The following SDK1 variants were observed in gnomAD, a reference collection of about 807,000 sequenced individuals.
SDK1 encodes protein sidekick-1.
A neutral mutation model predicts 245.5 loss-of-function variants in SDK1; 157 were observed. The ratio of observed to expected loss-of-function variants is 0.64; its 90% CI spans 0.56 to 0.73. SDK1 has a LOEUF of 0.73. Ranked by LOEUF, SDK1 falls within the 30% of genes least tolerant of loss-of-function variation. The pLI is 0.00. For synonymous variants in SDK1, 1,647 were observed against 1,278.5 expected (o/e 1.29, Z -6.15); for missense variants, 3,583 against 3,002.3 (o/e 1.19, Z -4.52).
At chr7:3,979,727 T>C (rs1430387177) in intron 13 of SDK1, among the ~76,000 whole-genome samples, 1 of 152,188 alleles carries the variant, frequency 6.6e-6, no homozygotes, top group Non-Finnish European at 1.5e-5. Context: ...TTGCTCTAGT[T>C]TTCTAGTGCC....
intron 5 of SDK1, among the ~76,000 whole-genome samples, chr7:3,907,143 T>G (rs913864086): frequency 3.3e-5 from 5 of 152,212 alleles, no homozygotes; most frequent in African/African-American, 1.2e-4. Context: ...TTTGTCTCTA[T>G]CTGTAAAACT....
rs1782575886 is a variant in SDK1, at chr7:3,511,468, A to G, written c.299-107612A>G. Among the ~76,000 whole-genome samples the G allele has an allele frequency of 2.0e-5, 3 of 152,200 alleles. No homozygotes were observed. In the South Asian group the frequency reaches 6.2e-4, roughly 31 times the overall value. ...CATTTTACTTACTTTAGTGCTTTAC[A>G]TTAAAATTTTCCTGTTTAATGAACA... On this transcript the variant is annotated intron_variant, in intron 1 of 44. Transcript: ENST00000404826.
At chr7:3,844,119 C>T (rs963351309) in intron 5 of SDK1, among the ~76,000 whole-genome samples, 2 of 152,094 alleles carry the variant, frequency 1.3e-5, no homozygotes, top group Non-Finnish European at 2.9e-5. Flanking sequence ...TACAGGTGCT[C>T]ACCACCATGC....
At chr7:4,064,694 TGTG>T (rs1779757773) in intron 19 of SDK1, among the ~76,000 whole-genome samples, 2 of 152,078 alleles carry the variant, frequency 1.3e-5, no homozygotes, top group Non-Finnish European at 2.9e-5. Context: ...GATAAGAAAA[TGTG>T]GTGTATATAC....
intron 23 of SDK1, among the ~76,000 whole-genome samples, chr7:4,111,070 C>A (rs543644419): frequency 6.6e-6 from 1 of 152,282 alleles, no homozygotes; most frequent in African/African-American, 2.4e-5. Context: ...GAACCACAGG[C>A]AGCAGAGATG....
At chr7:4,158,695 G>A (rs1354313223) in intron 31 of SDK1, 144 bp downstream of exon 31, 12 of 618,190 alleles carry the variant, frequency 1.9e-5, no homozygotes, top group South Asian at 9.4e-5. Context: ...CAGACAGCTC[G>A]GAGGGTTTCC....
intron 22 of SDK1, among the ~76,000 whole-genome samples, chr7:4,084,312 G>A (rs1239725161): frequency 1.3e-5 from 2 of 152,098 alleles, no homozygotes; most frequent in Non-Finnish European, 2.9e-5. Context: ...GAAAGCATAG[G>A]TTCTTACCTG....
intron 35 of SDK1, among the ~76,000 whole-genome samples, chr7:4,182,493 A>G (rs1248383610): frequency 6.6e-6 from 1 of 152,210 alleles, no homozygotes; most frequent in Non-Finnish European, 1.5e-5. Context: ...GCAGCTGGGG[A>G]AACCCTGCAC....
chr7:3,614,600 T>C (rs1781710182), intron 1 of SDK1, among the ~76,000 whole-genome samples: 1 of 152,242 alleles, frequency 6.6e-6, no homozygotes, highest in Admixed American at 6.5e-5. Context: ...TGATCCTTCT[T>C]TCTCCCTTTC....
chr7:3,776,187 G>A (rs988181711), intron 4 of SDK1, among the ~76,000 whole-genome samples: 3 of 152,244 alleles, frequency 2.0e-5, no homozygotes, highest in East Asian at 3.8e-4. Flanking sequence ...CGAATGAGTA[G>A]CATTTGCTTT....
In SDK1 at chr7:4,210,074, G is replaced by C. The variant is rs773330327; in HGVS notation, c.5451G>C (p.Thr1817=). 6.2e-7 allele frequency: 1 copy of C among 1,608,756 alleles called. No individual in the cohort carries two copies. The highest frequency in any genetic ancestry group is 1.7e-5 in the Admixed American group (1 of 58,722). ...FLAFSEITST[T]LNVSWGEPAA... ...CGTTCTCAGAAATAACCTCCACCACGCTCAACGTGTCCTGGGGCGAGCCTG... is the reference window on the plus strand; with the variant it reads ...CGTTCTCAGAAATAACCTCCACCACCCTCAACGTGTCCTGGGGCGAGCCTG... Residue 1817 remains threonine, a synonymous_variant, in exon 38 of 45, where the codon ACG becomes ACC. Coordinates refer to ENST00000404826, the MANE Select transcript of SDK1 (RefSeq NM_152744.4).
At chr7:3,826,690 ATG>A (rs1562472974) in intron 5 of SDK1, among the ~76,000 whole-genome samples, 1 of 152,106 alleles carries the variant, frequency 6.6e-6, no homozygotes, top group Non-Finnish European at 1.5e-5. Context: ...TTCTCTGACA[ATG>A]AGAATTTTCA....
rs541522678 is a variant in SDK1 at position 3,680,169 on chromosome 7, A to AG, written c.713+38067dup. 5.0e-4 allele frequency among the ~76,000 whole-genome samples: 76 copies of AG among 152,342 alleles called. 1 individual carries two copies. Among genetic ancestry groups the AG allele is most frequent in the African/African-American group, 1.7e-3 (69 of 41,576 alleles). ...GCTGGATCTCAGGGGCATCATGCTT[A>AG]GGGAAAAACCCAATCTCCAATCTCA... On this transcript the variant is annotated intron_variant, in intron 4 of 44. Transcript: ENST00000404826.
intron 4 of SDK1, among the ~76,000 whole-genome samples, chr7:3,703,776 T>G (rs1055494935): frequency 2.6e-5 from 4 of 152,244 alleles, no homozygotes; most frequent in Non-Finnish European, 5.9e-5. Context: ...TCCAATGTCC[T>G]TCAAAAATAT....
intron 1 of SDK1, among the ~76,000 whole-genome samples, chr7:3,305,061 T>C (rs993731582): frequency 6.6e-6 from 1 of 152,210 alleles, no homozygotes. Context: ...ACAATTGCAG[T>C]GACTTTTATG....
At chr7:3,460,859 C>G (rs1179671377) in intron 1 of SDK1, among the ~76,000 whole-genome samples, 1 of 152,086 alleles carries the variant, frequency 6.6e-6, no homozygotes. Context: ...TGTTTCTTGT[C>G]ATTTGGTATT....
At position 3,652,830 on chromosome 7, in the gene SDK1, G is replaced by A. The variant is rs115109987; in HGVS notation, c.713+10725G>A. On this transcript the variant is annotated intron_variant, in intron 4 of 44. Coordinates refer to ENST00000404826, the MANE Select transcript of SDK1 (RefSeq NM_152744.4). ...TACCATGTGGAATTCAGAAGCGAGG[G>A]TCATGTTGAGGCTGTCTGCAAGGGA... Among the ~76,000 whole-genome samples, 379 of 152,300 alleles carry A rather than the reference G, an allele frequency of 2.5e-3. 5 individuals are homozygous for A. Among genetic ancestry groups the A allele is most frequent in the African/African-American group, 8.9e-3 (371 of 41,566 alleles).
At chr7:4,192,415 A>ACAGGT (rs1231546809) in intron 35 of SDK1, among the ~76,000 whole-genome samples, 8 of 152,130 alleles carry the variant, frequency 5.3e-5, no homozygotes, top group Admixed American at 3.9e-4. Context: ...AGCTGGGACT[A>ACAGGT]CAGGTGCCCG....
intron 4 of SDK1, among the ~76,000 whole-genome samples, chr7:3,685,597 C>CA (rs1397053990): frequency 6.6e-6 from 1 of 152,058 alleles, no homozygotes; most frequent in African/African-American, 2.4e-5. Flanking sequence ...ATGGTTGATG[C>CA]AAAAATTGTA....
Sources: allele counts gnomAD v4.1 joint callset (sites outside exome capture counted in the v4.1 genomes callset), GRCh38; gene constraint gnomAD v4.1.1; transcripts MANE v1.5; gene names NCBI Gene and HGNC (gene_info 2026-07-23, HGNC 2026-07-21).